GPSM2: variants seen among roughly 807,000 people sequenced by gnomAD.
The protein encoded by GPSM2 is G protein signaling modulator 2.
A neutral mutation model predicts 78.4 loss-of-function variants in GPSM2; 58 were observed. That is an observed-to-expected ratio of 0.74 (90% CI 0.60 to 0.92). GPSM2 has a LOEUF of 0.92. Ranked by LOEUF, GPSM2 falls within the 40% of genes least tolerant of loss-of-function variation. GPSM2 has a pLI of 0.00. For synonymous variants in GPSM2, 224 were observed against 280.2 expected (o/e 0.80, Z 2.00); for missense variants, 700 against 815.5 (o/e 0.86, Z 1.73).
chr1:108,929,745 C>T lies in GPSM2; in HGVS notation c.1860C>T (p.Thr620=). Reference sequence around the variant, plus strand: ...AAAGATGTGCTCCACCACCTGCTACCACAAAGGGTCCGACAGTACCAGATG... The same window carrying T: ...AAAGATGTGCTCCACCACCTGCTACTACAAAGGGTCCGACAGTACCAGATG... ...DDQRCAPPPA[T]TKGPTVPDED... The change falls in exon 15 of 15, where the codon ACC becomes ACT. Residue 620 remains threonine (T), a synonymous_variant. Transcript: ENST00000264126. 6.2e-7 allele frequency: 1 copy of T among 1,613,110 alleles called. No homozygotes were observed.
chr1:108,902,191 GTC>G (rs1557865230), intron 8 of GPSM2, among the ~76,000 whole-genome samples: 1 of 152,050 alleles, frequency 6.6e-6, no homozygotes, highest in Non-Finnish European at 1.5e-5. Flanking sequence ...CTCTTCAGAA[GTC>G]TTCCTGGTGA....
intron 13 of GPSM2, among the ~76,000 whole-genome samples, chr1:108,923,708 A>AT (rs1650909731): frequency 6.6e-6 from 1 of 152,226 alleles, no homozygotes; most frequent in Non-Finnish European, 1.5e-5. Context: ...ATCTAGTCAC[A>AT]TATCTTATAG....
In GPSM2 at chr1:108,929,830, C is replaced by G. The variant is rs1651600532; in HGVS notation, c.1945C>G (p.Leu649Val). 8 of 1,614,024 alleles carry G rather than the reference C, an allele frequency of 5.0e-6. No individual in the cohort carries two copies. The highest frequency in any genetic ancestry group is 6.8e-6 in the Non-Finnish European group (8 of 1,179,952). ...AAAGAGAATGGATGAACAGAGAGTT[C>G]TTTTACAAAGAGATCAAAACAGAGA... is the stretch of plus-strand genomic sequence containing the variant. The part of the protein sequence containing the change: ...QGKRMDEQRV[L>V]LQRDQNRDTD... Residue 649 changes from leucine (L) to valine (V), a missense_variant, in exon 15 of 15, where the codon CTT (leucine) becomes GTT (valine). Physicochemically the swap from Leu to Val is conservative, Grantham distance 32. Coordinates refer to ENST00000264126, the MANE Select transcript of GPSM2 (RefSeq NM_013296.5).
At chr1:108,906,518 A>G (rs1193286473) in intron 10 of GPSM2, among the ~76,000 whole-genome samples, 4 of 150,454 alleles carry the variant, frequency 2.7e-5, no homozygotes, top group Non-Finnish European at 5.9e-5. Context: ...TCGATTCTGC[A>G]TCTCTCACAC....
In GPSM2 at chr1:108,918,667, C is replaced by T. The variant is rs1214819180; in HGVS notation, c.1318C>T (p.Pro440Ser). 2 of 1,613,170 alleles carry T rather than the reference C, an allele frequency of 1.2e-6. No homozygotes were observed. The highest frequency in any genetic ancestry group is 2.2e-5 in the East Asian group (1 of 44,838). ...LAKQKPLIAK[P>S]SAKLLFVNRL... ...TAAGCAAAAACCTCTTATTGCCAAA[C>T]CTTCTGCAAAGCTACTCTTTGTCAA... is the stretch of plus-strand genomic sequence containing the variant. The change falls in exon 12 of 15, where the codon CCT becomes TCT. Residue 440 changes from proline to serine, a missense_variant. By Grantham distance (74) the Pro-to-Ser change is moderately conservative. Coordinates refer to ENST00000264126, the MANE Select transcript of GPSM2 (RefSeq NM_013296.5).
chr1:108,881,782 G>A (rs1004833646), intron 1 of GPSM2, among the ~76,000 whole-genome samples: 2 of 152,080 alleles, frequency 1.3e-5, no homozygotes, highest in African/African-American at 4.8e-5. Context: ...CTTTCTACAT[G>A]CAGTTTTCAT....
intron 2 of GPSM2, among the ~76,000 whole-genome samples, chr1:108,890,663 A>G (rs1647902124): frequency 6.6e-6 from 1 of 152,216 alleles, no homozygotes; most frequent in South Asian, 2.1e-4. Flanking sequence ...CTTCTGCTAT[A>G]GTAAATCCTT....
At chr1:108,925,048 A>G (rs1254658536) in intron 14 of GPSM2, among the ~76,000 whole-genome samples, 2 of 152,228 alleles carry the variant, frequency 1.3e-5, no homozygotes, top group Non-Finnish European at 2.9e-5. Flanking sequence ...ATTAGCTATT[A>G]TATCAGTTAT....
intron 1 of GPSM2, among the ~76,000 whole-genome samples, chr1:108,883,402 G>A (rs889704543): frequency 1.3e-5 from 2 of 152,216 alleles, no homozygotes; most frequent in African/African-American, 4.8e-5. Context: ...GCAGAAGGAA[G>A]AAGTAGAACA....
In GPSM2 at chr1:108,916,584, A is replaced by G. The variant is rs1223517645; in HGVS notation, c.1264-2029A>G. On this transcript the variant is annotated intron_variant, in intron 11 of 14. Coordinates refer to ENST00000264126, the MANE Select transcript of GPSM2 (RefSeq NM_013296.5). ...GCTTTTAAAAAGGCCATTTTTGTCT[A>G]CTTTCTTCTTTTAGGAACATACTAA... is the stretch of plus-strand genomic sequence containing the variant. 7.2e-5 allele frequency among the ~76,000 whole-genome samples: 11 copies of G among 152,318 alleles called. No homozygotes were observed. The East Asian group carries it at 2.1e-3, about 29-fold the overall frequency.
chr1:108,884,770 C>T (rs2101324326), intron 1 of GPSM2, among the ~76,000 whole-genome samples: 1 of 152,156 alleles, frequency 6.6e-6, no homozygotes. Context: ...TTTGTACCTA[C>T]CCAATATTAA....
intron 2 of GPSM2, among the ~76,000 whole-genome samples, chr1:108,893,187 TGTG>T (rs1648098333): frequency 6.6e-6 from 1 of 152,260 alleles, no homozygotes; most frequent in African/African-American, 2.4e-5. Flanking sequence ...ATCAGTCATT[TGTG>T]GTGAAGTTAT....
At chr1:108,923,708 A>T (rs921880345) in intron 13 of GPSM2, among the ~76,000 whole-genome samples, 1 of 152,226 alleles carries the variant, frequency 6.6e-6, no homozygotes, top group African/African-American at 2.4e-5. Flanking sequence ...ATCTAGTCAC[A>T]TATCTTATAG....
intron 5 of GPSM2, 128 bp downstream of exon 5, chr1:108,898,229 C>A: frequency 1.1e-6 from 1 of 878,166 alleles, no homozygotes; most frequent in Non-Finnish European, 1.9e-6. Context: ...GCAAAATCAT[C>A]AATTCAGTTG....
chr1:108,877,450 T>C (rs1204242584), intron 1 of GPSM2: 1 of 149,998 alleles, frequency 6.7e-6, no homozygotes, highest in Non-Finnish European at 1.5e-5. Context: ...GCTTGAGGAG[T>C]TGCTGCTTTT....
Position 108,896,848 on chromosome 1 carries a change from C to T in GPSM2, c.57-16C>T. Reference sequence around the variant, plus strand: ...GTAATGTTATGTTTAAATGTCTGTCCTGTATAATTTTGTAGAATGGAAGCT... The same window carrying T: ...GTAATGTTATGTTTAAATGTCTGTCTTGTATAATTTTGTAGAATGGAAGCT... On this transcript the variant is annotated splice_polypyrimidine_tract_variant and intron_variant, in intron 2 of 14. Coordinates refer to ENST00000264126, the MANE Select transcript of GPSM2 (RefSeq NM_013296.5). The T allele has an allele frequency of 7.1e-6, 11 of 1,549,566 alleles. No individual in the cohort carries two copies. Among genetic ancestry groups the T allele is most frequent in the Middle Eastern group, 1.7e-4 (1 of 5,960 alleles).
Position 108,897,637 on chromosome 1 carries a change from C to A in GPSM2, c.414+10C>A. On this transcript the variant is annotated intron_variant, in intron 4 of 14. Transcript: ENST00000264126. ...AGAGCTTAATGACAAGGTAATACCG[C>A]AGCATTAGATGGTAGGCCTAATATT... is the stretch of plus-strand genomic sequence containing the variant. The A allele has an allele frequency of 6.2e-7, 1 of 1,609,112 alleles. No homozygotes were observed. Among genetic ancestry groups the A allele is most frequent in the Non-Finnish European group, 8.5e-7 (1 of 1,175,804 alleles).
At chr1:108,900,594 C>T (rs990124436) in intron 7 of GPSM2, among the ~76,000 whole-genome samples, 11 of 152,078 alleles carry the variant, frequency 7.2e-5, no homozygotes, top group African/African-American at 1.7e-4. Flanking sequence ...CATATCCTTC[C>T]GGATACAAAG....
At chr1:108,913,260 G>A (rs956077590) in intron 10 of GPSM2, among the ~76,000 whole-genome samples, 36 of 152,164 alleles carry the variant, frequency 2.4e-4, no homozygotes, top group Non-Finnish European at 4.6e-4. Context: ...ACTGAGAGAC[G>A]TTTCCAAGAA....
Sources: allele counts gnomAD v4.1 joint callset (sites outside exome capture counted in the v4.1 genomes callset), GRCh38; gene constraint gnomAD v4.1.1; transcripts MANE v1.5; gene names NCBI Gene and HGNC (gene_info 2026-07-23, HGNC 2026-07-21).